Variants in BRDT observed in about 807,000 individuals in gnomAD.
The protein encoded by BRDT is bromodomain testis associated, also known as bromodomain testis-specific protein.
A neutral mutation model predicts 113.9 loss-of-function variants in BRDT; 77 were observed. The ratio of observed to expected loss-of-function variants is 0.68; its 90% CI spans 0.56 to 0.82. The LOEUF (loss-of-function observed/expected upper bound fraction) is 0.82. BRDT is among the 40% of genes least tolerant of loss of function. The pLI, the probability that BRDT is intolerant of heterozygous loss-of-function variation, is 0.00. For missense variants in BRDT, 1,027 were observed against 1,105.4 expected (o/e 0.93, Z 1.01); for synonymous variants, 358 against 366.5 (o/e 0.98, Z 0.26).
chr1:91,994,759 T>C (rs1323319560), intron 15 of BRDT, among the ~76,000 whole-genome samples: 1 of 148,128 alleles, frequency 6.8e-6, no homozygotes, highest in Non-Finnish European at 1.5e-5. Context: ...TCCCAGCTAC[T>C]TGGGAGGCTG....
chr1:92,014,296 A>T lies in BRDT; in HGVS notation c.*22A>T, dbSNP rs745509924. The T allele has an allele frequency of 4.0e-6, 6 of 1,499,438 alleles. No homozygotes were observed. Among genetic ancestry groups the T allele is most frequent in the African/African-American group, 1.4e-5 (1 of 70,942 alleles). The allele number at this position is 1,499,438 out of a possible 1,614,324, so 92.9% of individuals were successfully genotyped here. On this transcript the variant is annotated 3_prime_UTR_variant, in exon 19 of 19. Coordinates refer to ENST00000399546, the MANE Select transcript of BRDT (RefSeq NM_207189.4). ...TTAAAACTCAGTTTTTAAATTAACC[A>T]TCAACTTAAAATGAATGGTAAAAGA...
intron 4 of BRDT, among the ~76,000 whole-genome samples, chr1:91,971,432 A>C (rs1570493130): frequency 6.6e-6 from 1 of 152,350 alleles, no homozygotes; most frequent in African/African-American, 2.4e-5. Context: ...TTCTGACAGA[A>C]GCATTCCACT....
chr1:91,986,942 CTTTT>C (rs770010779), intron 12 of BRDT, among the ~76,000 whole-genome samples: 1 of 132,540 alleles, frequency 7.5e-6, no homozygotes, highest in Admixed American at 7.7e-5. Flanking sequence ...TTTATAAATT[CTTTT>C]TTTTTTTTTT....
Position 91,994,179 on chromosome 1 carries a change from G to A in BRDT, c.2212G>A (p.Ala738Thr). Residue 738 changes from alanine to threonine, a missense_variant, in exon 15 of 19, where the codon GCA becomes ACA. Ala to Thr is a moderately conservative substitution (Grantham distance 58). Transcript: ENST00000399546. Reference protein sequence around the residue: ...HVMPPNHHQLAFNYQELEHLQ... With the variant: ...HVMPPNHHQLTFNYQELEHLQ... Reference sequence around the variant, plus strand: ...AATGCCACCAAATCACCACCAATTAGCATTTAATTATCAAGAATTAGAACA... The same window carrying A: ...AATGCCACCAAATCACCACCAATTAACATTTAATTATCAAGAATTAGAACA... The A allele has an allele frequency of 6.2e-7, 1 of 1,613,012 alleles. No individual in the cohort carries two copies. The highest frequency in any genetic ancestry group is 8.5e-7 in the Non-Finnish European group (1 of 1,179,260).
At chr1:91,957,864 A>G (rs1681966899) in intron 1 of BRDT, among the ~76,000 whole-genome samples, 1 of 151,706 alleles carries the variant, frequency 6.6e-6, no homozygotes, top group South Asian at 2.1e-4. Context: ...TTTGTTTTTG[A>G]GAGAGTCTTG....
intron 4 of BRDT, among the ~76,000 whole-genome samples, chr1:91,974,950 C>T (rs1683985130): frequency 6.6e-6 from 1 of 152,000 alleles, no homozygotes; most frequent in South Asian, 2.1e-4. Flanking sequence ...TACTATGAAG[C>T]CATAAAAAAG....
intron 18 of BRDT, among the ~76,000 whole-genome samples, chr1:92,013,337 C>T (rs1178466559): frequency 6.6e-6 from 1 of 152,020 alleles, no homozygotes; most frequent in African/African-American, 2.4e-5. Context: ...ACATACCTTT[C>T]AAATACTTTC....
chr1:91,954,766 C>T (rs1681548835), intron 1 of BRDT, among the ~76,000 whole-genome samples: 1 of 151,930 alleles, frequency 6.6e-6, no homozygotes, highest in African/African-American at 2.4e-5. Flanking sequence ...ATAAGACCAG[C>T]TTGAGCAGCA....
At chr1:91,975,728 T>C (rs996122704) in intron 4 of BRDT, among the ~76,000 whole-genome samples, 7 of 152,128 alleles carry the variant, frequency 4.6e-5, no homozygotes, top group African/African-American at 9.7e-5. Flanking sequence ...GATTTCAGAG[T>C]GATATGATCC....
At chr1:91,974,573 C>T (rs1683938767) in intron 4 of BRDT, among the ~76,000 whole-genome samples, 1 of 152,142 alleles carries the variant, frequency 6.6e-6, no homozygotes, top group South Asian at 2.1e-4. Context: ...AAATCAAAAC[C>T]ACAATGAGAT....
At chr1:91,995,509 G>A (rs980698704) in intron 15 of BRDT, among the ~76,000 whole-genome samples, 11 of 151,878 alleles carry the variant, frequency 7.2e-5, no homozygotes, top group Non-Finnish European at 1.3e-4. Flanking sequence ...GCAGGTGGGA[G>A]TGCAGTGGCA....
intron 18 of BRDT, among the ~76,000 whole-genome samples, 172 bp downstream of exon 18, chr1:92,005,471 C>A (rs1687213645): frequency 1.3e-5 from 2 of 152,024 alleles, no homozygotes; most frequent in South Asian, 2.1e-4. Flanking sequence ...AAATTCATAG[C>A]CAAAGGAGGC....
intron 4 of BRDT, among the ~76,000 whole-genome samples, chr1:91,970,194 AAAAG>A (rs1223896881): frequency 1.3e-5 from 2 of 152,186 alleles, no homozygotes; most frequent in Non-Finnish European, 2.9e-5. Context: ...ATTATGGAAA[AAAAG>A]ACAATGCATT....
intron 1 of BRDT, among the ~76,000 whole-genome samples, chr1:91,957,141 CA>C (rs1681859212): frequency 6.6e-6 from 1 of 152,098 alleles, no homozygotes; most frequent in Non-Finnish European, 1.5e-5. Context: ...ATTTGTGGGA[CA>C]GCAAAAACTT....
chr1:91,999,225 TTAA>T (rs1185876629), intron 15 of BRDT, among the ~76,000 whole-genome samples: 1 of 152,208 alleles, frequency 6.6e-6, no homozygotes, highest in East Asian at 1.9e-4. Flanking sequence ...ACATGCTGGG[TTAA>T]TAACCCAGGG....
chr1:91,965,426 G>A (rs775970914), intron 3 of BRDT, among the ~76,000 whole-genome samples: 1 of 152,078 alleles, frequency 6.6e-6, no homozygotes, highest in Non-Finnish European at 1.5e-5. Flanking sequence ...TGTCATTTTA[G>A]TTATGAGATA....
At chr1:91,950,837 C>G (rs994625154) in intron 1 of BRDT, 2 of 151,468 alleles carry the variant, frequency 1.3e-5, no homozygotes, top group African/African-American at 4.8e-5. Context: ...CCAGCCTGGC[C>G]GACATGGCGA....
At chr1:91,998,992 A>T (rs186292919) in intron 15 of BRDT, among the ~76,000 whole-genome samples, 91 of 152,260 alleles carry the variant, frequency 6.0e-4, no homozygotes, top group African/African-American at 2.1e-3. Flanking sequence ...TGGGGAGGCA[A>T]TGAAGGTTTT....
At chr1:91,969,259 G>A (rs1028073433) in intron 4 of BRDT, among the ~76,000 whole-genome samples, 15 of 151,826 alleles carry the variant, frequency 9.9e-5, no homozygotes, top group African/African-American at 2.9e-4. Context: ...TTTATCTTTC[G>A]TGATTGTAAA....
Sources: allele counts gnomAD v4.1 joint callset (sites outside exome capture counted in the v4.1 genomes callset), GRCh38; gene constraint gnomAD v4.1.1; transcripts MANE v1.5; gene names NCBI Gene and HGNC (gene_info 2026-07-23, HGNC 2026-07-21).